The following CACNA1C variants were observed in gnomAD, a reference collection of about 807,000 sequenced individuals.
CACNA1C encodes the protein calcium voltage-gated channel subunit alpha1 C.
Under a neutral mutation model 229.0 loss-of-function variants are expected in CACNA1C, and 30 were observed. The ratio of observed to expected loss-of-function variants is 0.13; its 90% CI spans 0.10 to 0.18. CACNA1C has a LOEUF of 0.18. CACNA1C is among the 10% of genes least tolerant of loss of function. The pLI, the probability that CACNA1C is intolerant of heterozygous loss-of-function variation, is 1.00. For missense variants in CACNA1C, 1,658 were observed against 2,845.0 expected, an observed-to-expected ratio of 0.58 and a Z score of 9.49; for synonymous variants, 1,114 against 1,132.5, an observed-to-expected ratio of 0.98 and a Z score of 0.33.
intron 1 of CACNA1C, among the ~76,000 whole-genome samples, chr12:1,986,185 T>C (rs979249846): frequency 3.9e-5 from 6 of 152,228 alleles, no homozygotes; most frequent in Admixed American, 1.3e-4. Context: ...TAATGGTTTA[T>C]ATTGTAAGTT....
chr12:2,409,614 A>G (rs952032900), intron 3 of CACNA1C, among the ~76,000 whole-genome samples: 1 of 152,238 alleles, frequency 6.6e-6, no homozygotes, highest in East Asian at 1.9e-4. Flanking sequence ...GCAAAAACCA[A>G]ATTAGAAATG....
intron 1 of CACNA1C, among the ~76,000 whole-genome samples, chr12:2,074,935 C>T (rs1233258099): frequency 1.3e-5 from 2 of 152,256 alleles, no homozygotes; most frequent in East Asian, 1.9e-4. Context: ...TTTCAACCTG[C>T]CAACACCCAC....
At chr12:2,454,041 G>A (rs2099401017) in intron 4 of CACNA1C, among the ~76,000 whole-genome samples, 1 of 152,140 alleles carries the variant, frequency 6.6e-6, no homozygotes, top group South Asian at 2.1e-4. Context: ...GCCAGCTCCT[G>A]ATTTCTGCTC....
At chr12:2,219,984 A>G (rs1187146074) in intron 3 of CACNA1C, among the ~76,000 whole-genome samples, 2 of 152,204 alleles carry the variant, frequency 1.3e-5, no homozygotes, top group Non-Finnish European at 1.5e-5. Context: ...TGAGAACCCA[A>G]GCTGCTTTCC....
At chr12:2,362,987 G>A (rs138575573) in intron 3 of CACNA1C, among the ~76,000 whole-genome samples, 10 of 152,334 alleles carry the variant, frequency 6.6e-5, no homozygotes, top group Non-Finnish European at 1.0e-4. Flanking sequence ...CCCAGTGGCC[G>A]TAACAGGCTG....
chr12:2,505,577 A>G (rs895875435), intron 8 of CACNA1C, among the ~76,000 whole-genome samples: 1 of 152,134 alleles, frequency 6.6e-6, no homozygotes, highest in African/African-American at 2.4e-5. Context: ...AGACAGGAGG[A>G]TCACTTGAGC....
At chr12:2,353,002 G>A (rs1313178964) in intron 3 of CACNA1C, among the ~76,000 whole-genome samples, 1 of 152,210 alleles carries the variant, frequency 6.6e-6, no homozygotes, top group Non-Finnish European at 1.5e-5. Context: ...AGAAAAGGGG[G>A]GATTGTTATT....
intron 11 of CACNA1C, among the ~76,000 whole-genome samples, chr12:2,565,973 G>A (rs1192540286): frequency 6.6e-6 from 1 of 152,218 alleles, no homozygotes; most frequent in African/African-American, 2.4e-5. Flanking sequence ...GTGCTTTGCA[G>A]AGTTACTGAA....
chr12:2,240,006 A>G (rs1427186990), intron 3 of CACNA1C, among the ~76,000 whole-genome samples: 1 of 152,246 alleles, frequency 6.6e-6, no homozygotes, highest in Non-Finnish European at 1.5e-5. Flanking sequence ...GACTTAAACA[A>G]ATTTCTTTCA....
At chr12:2,048,306 T>C (rs912884571), upstream of CACNA1C, 6 of 152,178 alleles carry the variant, frequency 3.9e-5, no homozygotes, top group African/African-American at 1.4e-4. Flanking sequence ...CGTGGCCCTA[T>C]GTGGAGATAA....
At chr12:2,030,238 A>G (rs2154491735) in intron 1 of CACNA1C, among the ~76,000 whole-genome samples, 1 of 152,314 alleles carries the variant, frequency 6.6e-6, no homozygotes. Flanking sequence ...TAAAATCACC[A>G]TATTAATCAG....
At chr12:2,313,705 G>A (rs1241404128) in intron 3 of CACNA1C, among the ~76,000 whole-genome samples, 2 of 152,162 alleles carry the variant, frequency 1.3e-5, no homozygotes, top group Non-Finnish European at 2.9e-5. Context: ...CTGCCTTAGG[G>A]AAGGAGTCGG....
At chr12:2,010,512 G>C (rs2154482650) in intron 1 of CACNA1C, among the ~76,000 whole-genome samples, 1 of 152,226 alleles carries the variant, frequency 6.6e-6, no homozygotes, top group East Asian at 1.9e-4. Context: ...TGACCTGGAG[G>C]GGGACTGGGG....
rs1259750784 is a variant in CACNA1C at position 2,670,855 on chromosome 12, AAAAAT to A, written c.4726+1833_4726+1837del. ...GGCGACAGAGTGAGGCTCCATCTGA[AAAAAT>A]AAAATAAAATAATAAAAATAGGACA... is the stretch of plus-strand genomic sequence containing the variant. On this transcript the variant is annotated intron_variant, in intron 38 of 46. Transcript: ENST00000399655. Among the ~76,000 whole-genome samples the A allele has an allele frequency of 4.6e-5, 7 of 151,956 alleles. 1 individual carries two copies. In the South Asian group the frequency reaches 6.2e-4, roughly 14 times the overall value.
At chr12:2,506,385 G>A (rs181640815) in intron 8 of CACNA1C, among the ~76,000 whole-genome samples, 4 of 152,306 alleles carry the variant, frequency 2.6e-5, no homozygotes, top group African/African-American at 9.6e-5. Context: ...CTCTGCCCTT[G>A]CTGGGTACAT....
At chr12:2,223,170 G>A (rs1284328999) in intron 3 of CACNA1C, among the ~76,000 whole-genome samples, 1 of 152,208 alleles carries the variant, frequency 6.6e-6, no homozygotes, top group Admixed American at 6.5e-5. Context: ...GTCTGCATCG[G>A]AATGTCTTAC....
chr12:2,364,516 T>G (rs1323194240), intron 3 of CACNA1C, among the ~76,000 whole-genome samples: 1 of 152,208 alleles, frequency 6.6e-6, no homozygotes, highest in African/African-American at 2.4e-5. Flanking sequence ...GAAATGTGAC[T>G]TCTTAATACC....
chr12:2,682,406 C>T, intron 42 of CACNA1C, 144 bp from the exon 43 acceptor site: 1 of 961,302 alleles, frequency 1.0e-6, no homozygotes, highest in Non-Finnish European at 1.6e-6. Flanking sequence ...GCACCAGCAA[C>T]TGTATGCCTG....
intron 3 of CACNA1C, among the ~76,000 whole-genome samples, chr12:2,339,951 AT>A (rs1370152287): frequency 6.7e-6 from 1 of 149,968 alleles, no homozygotes; most frequent in African/African-American, 2.5e-5. Context: ...ATGGAAATAT[AT>A]TTTTTTAAAA....
Sources: allele counts gnomAD v4.1 joint callset (sites outside exome capture counted in the v4.1 genomes callset), GRCh38; gene constraint gnomAD v4.1.1; transcripts MANE v1.5; gene names NCBI Gene and HGNC (gene_info 2026-07-23, HGNC 2026-07-21).